Variants in DNAH7 observed in about 807,000 individuals in gnomAD.
DNAH7 encodes the protein dynein axonemal heavy chain 7, also known as axonemal beta dynein heavy chain 7.
A neutral mutation model predicts 444.6 loss-of-function variants in DNAH7; 397 were observed. That is an observed-to-expected ratio of 0.89 (90% CI 0.82 to 0.97). The LOEUF (loss-of-function observed/expected upper bound fraction) is 0.97. DNAH7 is among the 50% of genes least tolerant of loss of function. The pLI is 0.00. For synonymous variants in DNAH7, 1,636 were observed against 1,624.4 expected (o/e 1.01, Z -0.17); for missense variants, 4,902 against 4,800.8 (o/e 1.02, Z -0.62).
chr2:195,852,047 A>G (rs1328482769), intron 46 of DNAH7, among the ~76,000 whole-genome samples: 1 of 152,282 alleles, frequency 6.6e-6, no homozygotes, highest in South Asian at 2.1e-4. Flanking sequence ...TCATAAGGTC[A>G]GGAGATTGAG....
intron 5 of DNAH7, among the ~76,000 whole-genome samples, chr2:196,038,531 A>G (rs1696535372): frequency 6.6e-6 from 1 of 152,226 alleles, no homozygotes; most frequent in African/African-American, 2.4e-5. Flanking sequence ...CCCCTAATTA[A>G]AAGATACAGA....
At chr2:195,809,386 G>T (rs1237972110) in intron 52 of DNAH7, among the ~76,000 whole-genome samples, 3 of 152,152 alleles carry the variant, frequency 2.0e-5, no homozygotes, top group Non-Finnish European at 2.9e-5. Flanking sequence ...GTATAAAATA[G>T]TGACTTTACA....
chr2:196,019,396 C>G (rs1024084986), intron 8 of DNAH7, 101 bp from the exon 9 acceptor site: 3 of 875,096 alleles, frequency 3.4e-6, no homozygotes, highest in Admixed American at 7.4e-5. Context: ...AAAATATGTG[C>G]TGTATCCCTC....
rs1688931832 is a variant in DNAH7 at position 195,934,692 on chromosome 2, C to G, written c.3370G>C (p.Val1124Leu). Residue 1124 changes from valine (V) to leucine (L), a missense_variant, in exon 21 of 65, where the codon GTT (valine) becomes CTT (leucine). Physicochemically the swap from Val to Leu is conservative, Grantham distance 32. Transcript: ENST00000312428. ...ITHMKSSEGE[V>L]VELIEIISTA... ...GAAATAATCTCTATGAGTTCTACAACCTCTCCTTCGCTGCTCTTCATGTGA... is the reference window on the plus strand; with the variant it reads ...GAAATAATCTCTATGAGTTCTACAAGCTCTCCTTCGCTGCTCTTCATGTGA... 1.2e-6 allele frequency: 2 copies of G among 1,614,032 alleles called. No homozygotes were observed. The highest frequency in any genetic ancestry group is 2.2e-5 in the South Asian group (2 of 91,088).
At chr2:195,827,530 C>A (rs1198131687) in intron 48 of DNAH7, among the ~76,000 whole-genome samples, 1 of 152,160 alleles carries the variant, frequency 6.6e-6, no homozygotes, top group Non-Finnish European at 1.5e-5. Flanking sequence ...AATCCACCCA[C>A]CCCAGCCTCC....
chr2:195,919,355 T>C (rs949172396), intron 24 of DNAH7, among the ~76,000 whole-genome samples: 7 of 152,202 alleles, frequency 4.6e-5, no homozygotes, highest in Non-Finnish European at 8.8e-5. Context: ...AAAAGTCTTT[T>C]TCTTTTTTAA....
Position 195,855,963 on chromosome 2 carries a change from T to G in DNAH7, c.8443A>C (p.Ile2815Leu), listed in dbSNP as rs761751366. The G allele has an allele frequency of 6.2e-7, 1 of 1,612,400 alleles. No homozygotes were observed. Among genetic ancestry groups the G allele is most frequent in the South Asian group, 1.1e-5 (1 of 90,594 alleles). Residue 2815 changes from isoleucine (I) to leucine (L), a missense_variant, in exon 45 of 65, where the codon ATA becomes CTA. Ile to Leu is a conservative substitution (Grantham distance 5). Coordinates refer to ENST00000312428, the MANE Select transcript of DNAH7 (RefSeq NM_018897.3). ...TCCCCTTCAGCTGCAGCCAGTTTTATCTTTTTGGGAGCTACTATTTTTGCC... is the reference window on the plus strand; with the variant it reads ...TCCCCTTCAGCTGCAGCCAGTTTTAGCTTTTTGGGAGCTACTATTTTTGCC... ...KVAKIVAPKK[I>L]KLAAAEGELK...
chr2:195,753,882 TA>T (rs1488235777), intron 63 of DNAH7, among the ~76,000 whole-genome samples: 3 of 152,168 alleles, frequency 2.0e-5, no homozygotes, highest in African/African-American at 7.2e-5. Context: ...ATACATATCT[TA>T]GGATTCTATG....
intron 46 of DNAH7, among the ~76,000 whole-genome samples, chr2:195,850,285 G>GAAA (rs752727865): frequency 7.3e-5 from 10 of 137,752 alleles, no homozygotes; most frequent in Admixed American, 1.4e-4. Flanking sequence ...ATAAGGTCAT[G>GAAA]AAAAAAAAAA....
chr2:195,850,325 G>T (rs188628263), intron 46 of DNAH7, among the ~76,000 whole-genome samples: 5 of 151,432 alleles, frequency 3.3e-5, no homozygotes, highest in Admixed American at 6.6e-5. Context: ...TGGTAGAAGT[G>T]GAAAACTGGC....
At chr2:195,925,431 G>A (rs1320852678) in intron 22 of DNAH7, among the ~76,000 whole-genome samples, 1 of 152,106 alleles carries the variant, frequency 6.6e-6, no homozygotes, top group Non-Finnish European at 1.5e-5. Flanking sequence ...AAATACACAT[G>A]GGGAGAAACA....
chr2:195,922,466 T>A (rs904415708), intron 23 of DNAH7, among the ~76,000 whole-genome samples: 8 of 152,202 alleles, frequency 5.3e-5, no homozygotes, highest in Non-Finnish European at 1.0e-4. Context: ...AGAGTGGATA[T>A]TACTCATCAT....
At chr2:196,006,831 C>G (rs891701894) in intron 10 of DNAH7, among the ~76,000 whole-genome samples, 1 of 151,636 alleles carries the variant, frequency 6.6e-6, no homozygotes, top group Non-Finnish European at 1.5e-5. Flanking sequence ...AAAATTAAAC[C>G]AAAAAATGTA....
intron 3 of DNAH7, among the ~76,000 whole-genome samples, chr2:196,050,833 C>T (rs1697421136): frequency 6.6e-6 from 1 of 152,222 alleles, no homozygotes. Context: ...CATTTTCAAA[C>T]TCAGAAACTG....
chr2:195,803,253 T>C (rs1696560552), intron 54 of DNAH7, among the ~76,000 whole-genome samples: 1 of 152,218 alleles, frequency 6.6e-6, no homozygotes, highest in South Asian at 2.1e-4. Flanking sequence ...AAGTGCATGG[T>C]TTTACTTGAA....
chr2:196,050,374 A>G (rs1166963020), intron 3 of DNAH7, among the ~76,000 whole-genome samples: 3 of 152,150 alleles, frequency 2.0e-5, no homozygotes, highest in Non-Finnish European at 2.9e-5. Flanking sequence ...TTTAACGGAC[A>G]GGGTTGCTGT....
At chr2:195,906,561 T>G (rs115023816) in intron 27 of DNAH7, 98 bp downstream of exon 27, 1 of 1,194,800 alleles carries the variant, frequency 8.4e-7, no homozygotes, top group Admixed American at 2.4e-5. Flanking sequence ...CCTAAAGTGC[T>G]AGGATTATAG....
chr2:195,902,894 C>T (rs193005913), intron 27 of DNAH7: 4 of 152,098 alleles, frequency 2.6e-5, no homozygotes, highest in East Asian at 3.9e-4. Context: ...TAATGTGGTT[C>T]GATTTTGGAT....
chr2:196,025,411 T>C (rs1222668146), intron 7 of DNAH7, among the ~76,000 whole-genome samples: 1 of 152,178 alleles, frequency 6.6e-6, no homozygotes, highest in Non-Finnish European at 1.5e-5. Flanking sequence ...GACTCTCCTT[T>C]ACCTTTAAGC....
Sources: allele counts gnomAD v4.1 joint callset (sites outside exome capture counted in the v4.1 genomes callset), GRCh38; gene constraint gnomAD v4.1.1; transcripts MANE v1.5; gene names NCBI Gene and HGNC (gene_info 2026-07-23, HGNC 2026-07-21).